Variants in TFPI observed in about 807,000 individuals in gnomAD.
TFPI encodes the protein anti-convertin.
A neutral mutation model predicts 34.6 loss-of-function variants in TFPI; 15 were observed. The ratio of observed to expected loss-of-function variants is 0.43; its 90% CI spans 0.29 to 0.67. The LOEUF (loss-of-function observed/expected upper bound fraction) is 0.67, where lower values mean the gene tolerates loss of function less well. Ranked by LOEUF, TFPI falls within the 30% of genes least tolerant of loss-of-function variation. The probability of loss-of-function intolerance (pLI) is 0.15; values close to 1 mark genes in which losing one functional copy is unlikely to be tolerated. For synonymous variants in TFPI, 105 were observed against 120.1 expected (o/e 0.87, Z 0.82); for missense variants, 301 against 364.0 (o/e 0.83, Z 1.41).
chr2:187,475,198 A>G (rs1692296445), intron 6 of TFPI, among the ~76,000 whole-genome samples: 1 of 152,166 alleles, frequency 6.6e-6, no homozygotes, highest in Admixed American at 6.5e-5. Context: ...GCTGAAATGA[A>G]CTGAAATTAG....
chr2:187,493,950 G>A (rs369887408), intron 3 of TFPI, among the ~76,000 whole-genome samples: 1 of 152,116 alleles, frequency 6.6e-6, no homozygotes, highest in Non-Finnish European at 1.5e-5. Flanking sequence ...CCTCCAAACT[G>A]TTGCAACCTC....
intron 3 of TFPI, 116 bp from the exon 4 acceptor site, chr2:187,488,491 A>G: frequency 1.8e-6 from 1 of 553,958 alleles, no homozygotes; most frequent in Non-Finnish European, 2.9e-6. Context: ...ATTCTTATAC[A>G]GAATGTCTTA....
At chr2:187,539,586 T>G (rs952770317) in intron 1 of TFPI, among the ~76,000 whole-genome samples, 1 of 152,166 alleles carries the variant, frequency 6.6e-6, no homozygotes, top group African/African-American at 2.4e-5. Context: ...TCAGCAAAAT[T>G]TAATCCACGA....
intron 6 of TFPI, among the ~76,000 whole-genome samples, chr2:187,481,336 A>G (rs1692839130): frequency 6.6e-6 from 1 of 152,100 alleles, no homozygotes; most frequent in Non-Finnish European, 1.5e-5. Flanking sequence ...ACTACAATAG[A>G]ATGTATTAAT....
At chr2:187,527,340 A>C (rs1687730984) in intron 1 of TFPI, 1 of 152,202 alleles carries the variant, frequency 6.6e-6, no homozygotes, top group Non-Finnish European at 1.5e-5. Flanking sequence ...CTAGATTTCC[A>C]ACTGTATTTC....
intron 3 of TFPI, among the ~76,000 whole-genome samples, chr2:187,495,692 G>C (rs1336089773): frequency 6.6e-6 from 1 of 152,140 alleles, no homozygotes. Context: ...TGATGCCAAG[G>C]CTGTTTAGTA....
intron 2 of TFPI, among the ~76,000 whole-genome samples, chr2:187,498,888 TTAAC>T (rs1202677255): frequency 2.6e-5 from 4 of 152,140 alleles, no homozygotes; most frequent in Admixed American, 1.3e-4. Context: ...GATCAAATCT[TTAAC>T]TAAAGTTGAG....
At chr2:187,518,431 T>A (rs1233270108) in intron 1 of TFPI, 1 of 152,234 alleles carries the variant, frequency 6.6e-6, no homozygotes, top group Non-Finnish European at 1.5e-5. Flanking sequence ...AATTCTAGGT[T>A]GAAAATTCTT....
chr2:187,512,608 A>T (rs1686722353), intron 1 of TFPI, among the ~76,000 whole-genome samples: 1 of 152,132 alleles, frequency 6.6e-6, no homozygotes, highest in South Asian at 2.1e-4. Context: ...GAAATCCCAA[A>T]CTTACAAGGT....
rs1397771296 is a variant in TFPI, at chr2:187,488,334, C to T, written c.358+3G>A. On this transcript the variant is annotated splice_donor_region_variant and intron_variant, in intron 4 of 7. Transcript: ENST00000233156. ...TCAAATTTACAGACAAATAAATGTT[C>T]ACCTTGTTGCAATGTTGTCTTTATA... 3 of 1,562,396 alleles carry T rather than the reference C, an allele frequency of 1.9e-6. No individual in the cohort carries two copies. Among genetic ancestry groups the T allele is most frequent in the Non-Finnish European group, 2.6e-6 (3 of 1,160,676 alleles).
At chr2:187,522,625 T>C in intron 1 of TFPI, among the ~76,000 whole-genome samples, 1 of 151,184 alleles carries the variant, frequency 6.6e-6, no homozygotes, top group African/African-American at 2.4e-5. Flanking sequence ...GGCTCATACC[T>C]GTAATCCCAG....
intron 1 of TFPI, chr2:187,517,983 C>T (rs1687124082): frequency 6.6e-6 from 1 of 151,604 alleles, no homozygotes; most frequent in South Asian, 2.1e-4. Context: ...TTTTGGTTTC[C>T]ATTTGCTTGG....
chr2:187,488,308 T>G (rs751715175), intron 4 of TFPI, 29 bp downstream of exon 4: 1 of 1,545,544 alleles, frequency 6.5e-7, no homozygotes, highest in East Asian at 2.4e-5. Context: ...ACATAAATGC[T>G]TCAAATTTAC....
At chr2:187,535,144 C>G (rs968402606) in intron 1 of TFPI, among the ~76,000 whole-genome samples, 12 of 152,110 alleles carry the variant, frequency 7.9e-5, no homozygotes, top group Non-Finnish European at 1.5e-4. Flanking sequence ...TAGTGGGAGA[C>G]TTTAACACCC....
At chr2:187,545,339 A>G (rs1688804137) in intron 1 of TFPI, among the ~76,000 whole-genome samples, 1 of 152,220 alleles carries the variant, frequency 6.6e-6, no homozygotes, top group African/African-American at 2.4e-5. Context: ...AATAGCATAT[A>G]GCATATGCAA....
intron 2 of TFPI, among the ~76,000 whole-genome samples, chr2:187,499,800 C>T (rs1435844876): frequency 6.6e-6 from 1 of 152,014 alleles, no homozygotes; most frequent in Admixed American, 6.6e-5. Flanking sequence ...TAGAAATTCT[C>T]ATATAATGTG....
At chr2:187,526,720 T>C (rs1465140432) in intron 1 of TFPI, 1 of 152,158 alleles carries the variant, frequency 6.6e-6, no homozygotes, top group Non-Finnish European at 1.5e-5. Flanking sequence ...TTTTTCTCTT[T>C]ATTACATATT....
intron 6 of TFPI, among the ~76,000 whole-genome samples, chr2:187,479,863 T>G (rs1200834750): frequency 2.0e-5 from 3 of 151,740 alleles, no homozygotes; most frequent in African/African-American, 7.3e-5. Context: ...CAATGAAATT[T>G]AATGAATGAC....
At chr2:187,508,827 A>G (rs767120871) in intron 1 of TFPI, among the ~76,000 whole-genome samples, 9 of 152,152 alleles carry the variant, frequency 5.9e-5, no homozygotes, top group Non-Finnish European at 1.3e-4. Context: ...AACTTCCAAT[A>G]CTATGTTGAG....
Sources: gnomAD v4.1 joint callset for allele counts (sites outside exome capture counted in the v4.1 genomes callset) on GRCh38, gnomAD v4.1.1 for gene constraint, MANE v1.5 for transcripts, NCBI Gene and HGNC (gene_info 2026-07-23, HGNC 2026-07-21) for gene names.